CHRM3: variants seen among roughly 807,000 people sequenced by gnomAD.
The protein encoded by CHRM3 is cholinergic receptor muscarinic 3.
In CHRM3, 11 loss-of-function variants were observed where a neutral mutation model predicts 41.8. The observed-to-expected ratio is 0.26, with a 90% CI of 0.17 to 0.44. The LOEUF (loss-of-function observed/expected upper bound fraction) is 0.44, where lower values mean the gene tolerates loss of function less well. Among genes scored for constraint, CHRM3 ranks in the 20% least tolerant of loss-of-function variants. The pLI is 1.00. For synonymous variants in CHRM3, 297 were observed against 301.4 expected (o/e 0.99, Z 0.15); for missense variants, 571 against 745.4 (o/e 0.77, Z 2.72).
At chr1:239,871,313 C>T (rs184017787) in intron 6 of CHRM3, among the ~76,000 whole-genome samples, 14 of 152,278 alleles carry the variant, frequency 9.2e-5, no homozygotes, top group Non-Finnish European at 1.8e-4. Flanking sequence ...GCGATTTCGG[C>T]TCACTGCAAC....
chr1:239,874,629 T>C (rs1676961784), intron 6 of CHRM3, among the ~76,000 whole-genome samples: 1 of 151,734 alleles, frequency 6.6e-6, no homozygotes, highest in African/African-American at 2.4e-5. Flanking sequence ...CTTAGTTAAA[T>C]TTAAACCTAA....
chr1:239,520,927 A>G (rs1328945093), intron 2 of CHRM3, among the ~76,000 whole-genome samples: 1 of 152,218 alleles, frequency 6.6e-6, no homozygotes, highest in Non-Finnish European at 1.5e-5. Context: ...ATATCCTGAT[A>G]AAAATCCTCT....
chr1:239,479,223 C>CACAT (rs1451123354), intron 1 of CHRM3, among the ~76,000 whole-genome samples: 99 of 151,588 alleles, frequency 6.5e-4, no homozygotes, highest in Non-Finnish European at 1.1e-3. Context: ...CACACACACA[C>CACAT]ACACACAGAA....
intron 5 of CHRM3, chr1:239,705,342 C>G (rs1208032024): frequency 6.6e-6 from 1 of 152,162 alleles, no homozygotes; most frequent in African/African-American, 2.4e-5. Context: ...TTGAAAAATA[C>G]CATTCTGCCA....
chr1:239,652,433 T>TG (rs535573193), intron 4 of CHRM3, among the ~76,000 whole-genome samples: 304 of 152,332 alleles, frequency 2.0e-3, no homozygotes, highest in African/African-American at 6.8e-3. Context: ...AGGTACCTCA[T>TG]AAATACTACT....
At chr1:239,794,722 T>TATTA (rs1669629902) in intron 5 of CHRM3, among the ~76,000 whole-genome samples, 1 of 152,236 alleles carries the variant, frequency 6.6e-6, no homozygotes, top group African/African-American at 2.4e-5. Flanking sequence ...TGTTTCTGTT[T>TATTA]ATTAATTTAC....
chr1:239,684,146 T>G (rs983789698), intron 5 of CHRM3, among the ~76,000 whole-genome samples: 1 of 152,184 alleles, frequency 6.6e-6, no homozygotes, highest in Admixed American at 6.5e-5. Flanking sequence ...GGTTCAGTGG[T>G]AGAATTCATG....
chr1:239,870,168 T>C (rs971114441), intron 6 of CHRM3, among the ~76,000 whole-genome samples: 4 of 152,130 alleles, frequency 2.6e-5, no homozygotes, highest in African/African-American at 9.7e-5. Flanking sequence ...GAGTTTATTA[T>C]CTAAAGAGGG....
chr1:239,745,123 G>A (rs754566649), intron 5 of CHRM3, among the ~76,000 whole-genome samples: 36 of 152,250 alleles, frequency 2.4e-4, no homozygotes, highest in African/African-American at 7.7e-4. Flanking sequence ...GATTGCTAAC[G>A]TCTTTCTGTG....
intron 6 of CHRM3, among the ~76,000 whole-genome samples, chr1:239,850,576 T>C (rs1231326892): frequency 1.3e-5 from 2 of 152,068 alleles, no homozygotes; most frequent in East Asian, 1.9e-4. Context: ...CTATGAAGAG[T>C]AGTGATATAA....
chr1:239,900,978 G>A (rs1027800172), intron 6 of CHRM3, among the ~76,000 whole-genome samples: 2 of 152,078 alleles, frequency 1.3e-5, no homozygotes, highest in African/African-American at 2.4e-5. Flanking sequence ...TCCCTGTTCA[G>A]GGTCTCAACA....
At chr1:239,847,822 A>G (rs1231846034) in intron 6 of CHRM3, among the ~76,000 whole-genome samples, 1 of 151,956 alleles carries the variant, frequency 6.6e-6, no homozygotes, top group Non-Finnish European at 1.5e-5. Flanking sequence ...GGCTGAGGTG[A>G]GAGGATTGCT....
chr1:239,728,859 T>C (rs1272252949), intron 5 of CHRM3, among the ~76,000 whole-genome samples: 2 of 151,976 alleles, frequency 1.3e-5, no homozygotes, highest in Non-Finnish European at 2.9e-5. Flanking sequence ...TGTGGATTCA[T>C]TCATTCAATC....
intron 3 of CHRM3, among the ~76,000 whole-genome samples, chr1:239,609,152 C>A (rs1666704884): frequency 6.6e-6 from 1 of 152,198 alleles, no homozygotes; most frequent in African/African-American, 2.4e-5. Context: ...CTACCTCCCA[C>A]CATCATTTCC....
chr1:239,886,218 A>T (rs753300942), intron 6 of CHRM3: 2 of 152,190 alleles, frequency 1.3e-5, no homozygotes, highest in Admixed American at 1.3e-4. Flanking sequence ...TGATGAAACA[A>T]CAGAGGAAAG....
chr1:239,472,734 T>G (rs1482941042), intron 1 of CHRM3, among the ~76,000 whole-genome samples: 2 of 145,844 alleles, frequency 1.4e-5, no homozygotes, highest in African/African-American at 2.5e-5. Flanking sequence ...GGGGGTGGGA[T>G]GGAGGAGGGG....
chr1:239,901,842 G>A (rs986442496), intron 6 of CHRM3, among the ~76,000 whole-genome samples: 11 of 152,082 alleles, frequency 7.2e-5, no homozygotes, highest in Middle Eastern at 3.2e-3. Flanking sequence ...GTGTACATAC[G>A]AATGCAATAA....
chr1:239,608,676 C>T (rs61836583), intron 3 of CHRM3, among the ~76,000 whole-genome samples: 7,045 of 152,168 alleles, frequency 0.046, 202 homozygotes, highest in Admixed American at 0.068. Context: ...GAGCCAGCAG[C>T]ACAGGAACAC....
Position 239,684,748 on chromosome 1 carries a change from G to GAAAGAAAGAAAGAAAGAA in CHRM3, c.-147+6461_-147+6462insAAGAAAGAAAGAAAGAAA, listed in dbSNP as rs1553363709. Among the ~76,000 whole-genome samples, 215 of 107,800 alleles carry GAAAGAAAGAAAGAAAGAA rather than the reference G, an allele frequency of 2.0e-3. 3 individuals are homozygous for GAAAGAAAGAAAGAAAGAA. The highest frequency in any genetic ancestry group is 1.8e-3 in the East Asian group (7 of 3,868). 70.7% of individuals were successfully genotyped at this position (107,800 alleles called of 152,430 possible). On this transcript the variant is annotated intron_variant, in intron 5 of 6. Transcript: ENST00000676153. ...AAAGGAAAGGAAAGAGAGAAAGAAA[G>GAAAGAAAGAAAGAAAGAA]AGAAAGAAAGAAAGAAAGAAAGAGA...
Sources: gnomAD v4.1 joint callset for allele counts (sites outside exome capture counted in the v4.1 genomes callset) on GRCh38, gnomAD v4.1.1 for gene constraint, MANE v1.5 for transcripts, NCBI Gene and HGNC (gene_info 2026-07-23, HGNC 2026-07-21) for gene names.